The following CACNA1E variants were observed in gnomAD, a reference collection of about 807,000 sequenced individuals.
CACNA1E encodes the protein voltage-dependent R-type calcium channel subunit alpha-1E.
In CACNA1E, 40 loss-of-function variants were observed where a neutral mutation model predicts 259.2. That is an observed-to-expected ratio of 0.15 (90% CI 0.12 to 0.20). The LOEUF (loss-of-function observed/expected upper bound fraction) is 0.20. CACNA1E is among the 10% of genes least tolerant of loss of function. The probability of loss-of-function intolerance (pLI) is 1.00; values close to 1 mark genes in which losing one functional copy is unlikely to be tolerated. For synonymous variants in CACNA1E, 1,104 were observed against 1,138.5 expected, an observed-to-expected ratio of 0.97 and a Z score of 0.61; for missense variants, 1,874 against 3,040.1, an observed-to-expected ratio of 0.62 and a Z score of 9.02.
intron 25 of CACNA1E, among the ~76,000 whole-genome samples, chr1:181,748,520 G>T (rs1226768773): frequency 6.6e-6 from 1 of 152,100 alleles, no homozygotes; most frequent in African/African-American, 2.4e-5. Context: ...GGATAGAAAG[G>T]TCTCCGAGAT....
intron 1 of CACNA1E, among the ~76,000 whole-genome samples, chr1:181,339,085 C>T (rs1651942768): frequency 6.6e-6 from 1 of 152,064 alleles, no homozygotes; most frequent in Admixed American, 6.6e-5. Context: ...AATTTGAAAT[C>T]AGGAAGTATG....
intron 6 of CACNA1E, among the ~76,000 whole-genome samples, chr1:181,647,687 G>T (rs1016984841): frequency 6.6e-6 from 1 of 152,170 alleles, no homozygotes. Flanking sequence ...TAATAATGAT[G>T]AATCAGAAGG....
intron 1 of CACNA1E, among the ~76,000 whole-genome samples, chr1:181,332,234 G>T (rs1051337229): frequency 2.0e-5 from 3 of 152,194 alleles, no homozygotes; most frequent in Admixed American, 1.3e-4. Flanking sequence ...AGTGGGAGAA[G>T]GGAGAGCATC....
At chr1:181,451,841 C>T (rs1392966936) in intron 2 of CACNA1E, among the ~76,000 whole-genome samples, 1 of 152,032 alleles carries the variant, frequency 6.6e-6, no homozygotes, top group East Asian at 1.9e-4. Context: ...TGGACTTTAC[C>T]CTACGAGAAG....
At chr1:181,433,073 C>T (rs1659825454) in intron 2 of CACNA1E, among the ~76,000 whole-genome samples, 2 of 152,172 alleles carry the variant, frequency 1.3e-5, no homozygotes, top group African/African-American at 4.8e-5. Flanking sequence ...AGCTGCACAC[C>T]TCTCCTGGCT....
intron 3 of CACNA1E, among the ~76,000 whole-genome samples, chr1:181,511,947 CA>C (rs891174637): frequency 4.6e-5 from 7 of 152,222 alleles, no homozygotes; most frequent in African/African-American, 1.7e-4. Context: ...GAGAAGACCT[CA>C]GCCATATTTT....
intron 2 of CACNA1E, among the ~76,000 whole-genome samples, chr1:181,442,261 GTA>G (rs1660535260): frequency 6.7e-6 from 1 of 149,940 alleles, no homozygotes; most frequent in Non-Finnish European, 1.5e-5. Context: ...AAGGGCACAG[GTA>G]TGAGGGACAC....
intron 1 of CACNA1E, among the ~76,000 whole-genome samples, chr1:181,509,221 A>G (rs1027026879): frequency 5.3e-5 from 8 of 152,064 alleles, no homozygotes; most frequent in African/African-American, 1.7e-4. Context: ...CTCACATCTC[A>G]TTGCACACAC....
intron 44 of CACNA1E, among the ~76,000 whole-genome samples, chr1:181,792,570 C>T (rs1408876943): frequency 6.6e-6 from 1 of 152,222 alleles, no homozygotes; most frequent in African/African-American, 2.4e-5. Context: ...TGCACCATAG[C>T]ACATGTCTTG....
At chr1:181,667,912 G>T (rs1648400861) in intron 7 of CACNA1E, among the ~76,000 whole-genome samples, 1 of 151,758 alleles carries the variant, frequency 6.6e-6, no homozygotes, top group Non-Finnish European at 1.5e-5. Flanking sequence ...ATTACAGGGA[G>T]GTCCTATGTA....
chr1:181,573,276 CTG>C (rs1302505908), intron 3 of CACNA1E, among the ~76,000 whole-genome samples: 2 of 152,154 alleles, frequency 1.3e-5, no homozygotes, highest in Non-Finnish European at 2.9e-5. Flanking sequence ...GTAACTAACT[CTG>C]TTATAATGCT....
At chr1:181,727,936 C>T (rs1655066340) in intron 18 of CACNA1E, among the ~76,000 whole-genome samples, 1 of 152,128 alleles carries the variant, frequency 6.6e-6, no homozygotes, top group South Asian at 2.1e-4. Flanking sequence ...GGGGACCTCC[C>T]TCCTGCACGG....
In CACNA1E at chr1:181,441,707, C is replaced by T. The variant is rs1219991717; in HGVS notation, c.434+28127C>T. Among the ~76,000 whole-genome samples the T allele has an allele frequency of 2.0e-5, 3 of 152,298 alleles. No individual in the cohort carries two copies. In the South Asian group the frequency reaches 6.2e-4, roughly 32 times the overall value. On this transcript the variant is annotated intron_variant, in intron 2 of 11. Coordinates refer to the CACNA1E transcript ENST00000524607. ...CTCAAAGGAATTTATCAAGCGCCGCCTCTGCTTTTCTCTTCCTGCTTTGCT... is the reference window on the plus strand; with the variant it reads ...CTCAAAGGAATTTATCAAGCGCCGCTTCTGCTTTTCTCTTCCTGCTTTGCT...
At chr1:181,614,337 C>T (rs1449153150) in intron 6 of CACNA1E, among the ~76,000 whole-genome samples, 1 of 152,114 alleles carries the variant, frequency 6.6e-6, no homozygotes, top group Non-Finnish European at 1.5e-5. Flanking sequence ...ACTGTCATGA[C>T]CTTTCTCTAC....
rs538836653 is a variant in CACNA1E, at chr1:181,762,950, G to T, written c.4689+293G>T. Reference sequence around the variant, plus strand: ...CTAGTATGCATAGCGTTGCACTAGAGTCTCAAAGGAGGCACAGTATCTTTG... The same window carrying T: ...CTAGTATGCATAGCGTTGCACTAGATTCTCAAAGGAGGCACAGTATCTTTG... On this transcript the variant is annotated intron_variant, in intron 33 of 47. Coordinates refer to ENST00000367573, the MANE Select transcript of CACNA1E (RefSeq NM_001205293.3). 5.3e-5 allele frequency among the ~76,000 whole-genome samples: 8 copies of T among 152,324 alleles called. No homozygotes were observed. In the South Asian group the frequency reaches 1.7e-3, roughly 32 times the overall value.
chr1:181,785,519 G>A (rs1312654913), intron 42 of CACNA1E, 101 bp downstream of exon 42: 1 of 938,268 alleles, frequency 1.1e-6, no homozygotes, highest in South Asian at 1.4e-5. Flanking sequence ...CAAGGACTTA[G>A]AAGCAGCAGT....
chr1:181,696,693 G>A (rs1472909601), intron 7 of CACNA1E, among the ~76,000 whole-genome samples: 1 of 152,186 alleles, frequency 6.6e-6, no homozygotes, highest in Non-Finnish European at 1.5e-5. Context: ...GACTGCAGAT[G>A]TAGACACGTG....
chr1:181,606,251 C>G (rs534494506), intron 6 of CACNA1E, among the ~76,000 whole-genome samples: 30 of 152,276 alleles, frequency 2.0e-4, no homozygotes, highest in African/African-American at 7.0e-4. Flanking sequence ...GACTACCAAG[C>G]CTTCAACTGA....
intron 7 of CACNA1E, among the ~76,000 whole-genome samples, chr1:181,682,059 A>T (rs1187240160): frequency 1.3e-5 from 2 of 152,178 alleles, no homozygotes; most frequent in East Asian, 3.8e-4. Context: ...AGAACTGGTC[A>T]TGTGGCCACA....
Sources: allele counts gnomAD v4.1 joint callset (sites outside exome capture counted in the v4.1 genomes callset), GRCh38; gene constraint gnomAD v4.1.1; transcripts MANE v1.5; gene names NCBI Gene and HGNC (gene_info 2026-07-23, HGNC 2026-07-21).